The following VPS37C variants were observed in gnomAD, a reference collection of about 807,000 sequenced individuals.
VPS37C encodes vacuolar protein sorting-associated protein 37C.
A neutral mutation model predicts 16.1 loss-of-function variants in VPS37C; 9 were observed. The ratio of observed to expected loss-of-function variants is 0.56; its 90% CI spans 0.34 to 0.97. The LOEUF is 0.97. Ranked by LOEUF, VPS37C falls within the 50% of genes least tolerant of loss-of-function variation. The probability of loss-of-function intolerance (pLI) is 0.02; values close to 1 mark genes in which losing one functional copy is unlikely to be tolerated. For missense variants in VPS37C, 479 were observed against 472.7 expected (o/e 1.01, Z -0.12); for synonymous variants, 207 against 206.4 (o/e 1.00, Z -0.02).
chr11:61,147,182 A>C (rs1196635274), intron 1 of VPS37C, among the ~76,000 whole-genome samples: 2 of 152,150 alleles, frequency 1.3e-5, no homozygotes, highest in African/African-American at 2.4e-5. Context: ...GGTGGGGCAG[A>C]GGGGAGAGGT....
At chr11:61,147,681 C>T (rs1040452541) in intron 1 of VPS37C, among the ~76,000 whole-genome samples, 9 of 151,864 alleles carry the variant, frequency 5.9e-5, no homozygotes, top group African/African-American at 2.2e-4. Context: ...GAGATCCTTT[C>T]CAAGGATAAC....
intron 1 of VPS37C, chr11:61,143,810 A>C (rs1166779379): frequency 3.3e-5 from 5 of 151,002 alleles, no homozygotes; most frequent in Admixed American, 3.3e-4. Flanking sequence ...ACAGGCGTGC[A>C]ACACCATGCC....
intron 4 of VPS37C, 188 bp downstream of exon 4, chr11:61,133,067 A>G: frequency 1.4e-6 from 1 of 707,024 alleles, no homozygotes; most frequent in Non-Finnish European, 2.5e-6. Flanking sequence ...TGCTTCAGCT[A>G]GTGGGACTGG....
At chr11:61,154,991 C>G (rs1039263854) in intron 1 of VPS37C, among the ~76,000 whole-genome samples, 26 of 151,910 alleles carry the variant, frequency 1.7e-4, no homozygotes, top group Non-Finnish European at 2.9e-4. Context: ...GTGGTCCCAA[C>G]TACTTGGGAG....
chr11:61,139,644 G>A (rs1268717098), intron 1 of VPS37C, among the ~76,000 whole-genome samples: 1 of 152,212 alleles, frequency 6.6e-6, no homozygotes, highest in East Asian at 1.9e-4. Context: ...GGACTGAAGA[G>A]AGGAAGCACA....
At chr11:61,132,786 G>A in intron 4 of VPS37C, 1 of 606,580 alleles carries the variant, frequency 1.6e-6, no homozygotes, top group Admixed American at 3.1e-5. Context: ...TGGCACCTTG[G>A]CATCATGCCA....
At chr11:61,146,658 T>C (rs909871418) in intron 1 of VPS37C, among the ~76,000 whole-genome samples, 3 of 152,170 alleles carry the variant, frequency 2.0e-5, no homozygotes, top group Non-Finnish European at 4.4e-5. Context: ...TCTGGGGTGA[T>C]ATCATCAACT....
intron 1 of VPS37C, chr11:61,144,739 G>A (rs1275359158): frequency 6.6e-6 from 1 of 152,302 alleles, no homozygotes; most frequent in Non-Finnish European, 1.5e-5. Flanking sequence ...CTCGGCAGGG[G>A]AGATTCATGT....
chr11:61,147,502 G>A (rs1455575281), intron 1 of VPS37C, among the ~76,000 whole-genome samples: 1 of 152,160 alleles, frequency 6.6e-6, no homozygotes, highest in Admixed American at 6.5e-5. Flanking sequence ...TCCCCAGCAA[G>A]GAGGCCACAG....
chr11:61,157,999 AG>A (rs1167810716), intron 1 of VPS37C, among the ~76,000 whole-genome samples: 1 of 152,202 alleles, frequency 6.6e-6, no homozygotes, highest in Non-Finnish European at 1.5e-5. Flanking sequence ...GACGAGTAAA[AG>A]CTTCCTGAGT....
chr11:61,140,444 TATCC>T (rs1379910694), intron 1 of VPS37C, among the ~76,000 whole-genome samples: 2 of 150,524 alleles, frequency 1.3e-5, no homozygotes, highest in African/African-American at 4.9e-5. Flanking sequence ...GATAAAGAAC[TATCC>T]ATACAGGGAC....
chr11:61,133,520 C>T (rs1303689365), intron 3 of VPS37C, among the ~76,000 whole-genome samples, 183 bp from the exon 4 acceptor site: 1 of 152,178 alleles, frequency 6.6e-6, no homozygotes, highest in Non-Finnish European at 1.5e-5. Context: ...GAGAAGGGCC[C>T]GAATGAACCT....
intron 1 of VPS37C, among the ~76,000 whole-genome samples, chr11:61,141,433 G>T (rs1861471176): frequency 6.6e-6 from 1 of 151,768 alleles, no homozygotes; most frequent in Non-Finnish European, 1.5e-5. Flanking sequence ...GCAGCCTGCA[G>T]ATGGCCTGGG....
intron 4 of VPS37C, 147 bp downstream of exon 4, chr11:61,133,108 C>A: frequency 2.3e-6 from 2 of 887,942 alleles, no homozygotes; most frequent in Middle Eastern, 2.1e-4. Flanking sequence ...AAAGGCCTCC[C>A]CAGGACTAAA....
At chr11:61,136,975 C>T (rs185942703) in intron 2 of VPS37C, among the ~76,000 whole-genome samples, 57 of 152,178 alleles carry the variant, frequency 3.7e-4, no homozygotes, top group African/African-American at 1.3e-3. Flanking sequence ...CGCCATTGCA[C>T]TCCAGCCTGG....
In VPS37C at chr11:61,131,641, G is replaced by T; in HGVS notation, c.*179C>A. The T allele has an allele frequency of 2.2e-6, 2 of 907,010 alleles. No individual in the cohort carries two copies. The highest frequency in any genetic ancestry group is 2.9e-6 in the Non-Finnish European group (2 of 691,912). The allele number at this position is 907,010 out of a possible 1,614,324, so 56.2% of individuals were successfully genotyped here. ...AGGAGGACCTCTGGCCAGAAGGCCA[G>T]CAAGTGCCATGACCAGTCACACCGC... On this transcript the variant is annotated 3_prime_UTR_variant, in exon 5 of 5. Transcript: ENST00000301765.
intron 1 of VPS37C, among the ~76,000 whole-genome samples, chr11:61,142,975 T>TAAAAAAAAAAAAAAAAAAAAAAAGA (rs1861499142): frequency 2.1e-5 from 1 of 47,590 alleles, no homozygotes; most frequent in African/African-American, 7.5e-5. Flanking sequence ...AAAGAATAGC[T>TAAAAAAAAAAAAAAAAAAAAAAAGA]AAAAAAAAAA....
chr11:61,135,835 TC>T (rs1325724513), intron 2 of VPS37C, among the ~76,000 whole-genome samples: 8 of 152,334 alleles, frequency 5.3e-5, no homozygotes, highest in African/African-American at 1.9e-4. Context: ...TCCTCTGGCC[TC>T]CCTATAGGTC....
Position 61,131,586 on chromosome 11 carries a change from T to G in VPS37C, c.*234A>C. 2.1e-6 allele frequency: 1 copy of G among 484,228 alleles called. No homozygotes were observed. Among genetic ancestry groups the G allele is most frequent in the Non-Finnish European group, 3.3e-6 (1 of 306,334 alleles). The allele number at this position is 484,228 out of a possible 1,614,324, so 30.0% of individuals were successfully genotyped here. ...TGGACTCCAGCCTGGCTAGCACCGC[T>G]GCAGCCAGGCACTGAAAGGAGGGGC... On this transcript the variant is annotated 3_prime_UTR_variant, in exon 5 of 5. Coordinates refer to ENST00000301765, the MANE Select transcript of VPS37C (RefSeq NM_017966.5).
Sources: allele counts gnomAD v4.1 joint callset (sites outside exome capture counted in the v4.1 genomes callset), GRCh38; gene constraint gnomAD v4.1.1; transcripts MANE v1.5; gene names NCBI Gene and HGNC (gene_info 2026-07-23, HGNC 2026-07-21).